Variants in ITGB5 observed in about 807,000 individuals in gnomAD.
ITGB5 encodes the protein integrin subunit beta 5.
A neutral mutation model predicts 84.8 loss-of-function variants in ITGB5; 38 were observed. The ratio of observed to expected loss-of-function variants is 0.45; its 90% confidence interval spans 0.35 to 0.59. The LOEUF is 0.59. Among genes scored for constraint, ITGB5 ranks in the 20% least tolerant of loss-of-function variants. ITGB5 has a pLI of 0.01. For missense variants in ITGB5, 905 were observed against 1,034.5 expected (o/e 0.87, Z 1.72); for synonymous variants, 393 against 414.4 (o/e 0.95, Z 0.63).
At position 124,841,349 on chromosome 3, in the gene ITGB5, C is replaced by G. The variant is rs536655427; in HGVS notation, c.780+34G>C. 142 of 1,602,974 alleles carry G rather than the reference C, an allele frequency of 8.9e-5. 1 individual carries two copies. The South Asian group carries it at 1.4e-3, about 15-fold the overall frequency. On this transcript the variant is annotated intron_variant, in intron 5 of 14. Transcript: ENST00000296181. Reference sequence around the variant, plus strand: ...CACTGACGCTCTCTACCTTGACCTCCCCATGCAGGGACAGGACCAGAAAGG... The same window carrying G: ...CACTGACGCTCTCTACCTTGACCTCGCCATGCAGGGACAGGACCAGAAAGG...
At chr3:124,779,056 C>CA (rs2063964765) in intron 10 of ITGB5, among the ~76,000 whole-genome samples, 1 of 152,178 alleles carries the variant, frequency 6.6e-6, no homozygotes. Context: ...CTGTCAGAAA[C>CA]ATCAGTGCTC....
At chr3:124,856,624 AAATGAAAAATAATTTT>A in intron 3 of ITGB5, among the ~76,000 whole-genome samples, 1 of 152,248 alleles carries the variant, frequency 6.6e-6, no homozygotes, top group Admixed American at 6.5e-5. Context: ...GACATAGTAA[AAATGAAAAATAATTTT>A]ATGTTAAAGT....
chr3:124,850,060 G>A (rs758305455), intron 3 of ITGB5, among the ~76,000 whole-genome samples: 44 of 151,920 alleles, frequency 2.9e-4, no homozygotes, highest in Non-Finnish European at 5.7e-4. Context: ...CTGACTTGCC[G>A]GCAGCCACAT....
At chr3:124,852,259 A>G (rs532690082) in intron 3 of ITGB5, among the ~76,000 whole-genome samples, 14 of 151,384 alleles carry the variant, frequency 9.2e-5, no homozygotes, top group South Asian at 2.1e-4. Flanking sequence ...TTCCCTCTCC[A>G]CTTAGGGTCT....
chr3:124,885,843 T>A (rs1934779274), intron 1 of ITGB5, among the ~76,000 whole-genome samples: 1 of 152,186 alleles, frequency 6.6e-6, no homozygotes, highest in South Asian at 2.1e-4. Flanking sequence ...CTCAGACCCC[T>A]CCTCCGCTCT....
intron 14 of ITGB5, among the ~76,000 whole-genome samples, chr3:124,764,127 G>T (rs1480130939): frequency 6.6e-6 from 1 of 152,170 alleles, no homozygotes; most frequent in Non-Finnish European, 1.5e-5. Flanking sequence ...CTCTGAGACT[G>T]GTCAGACTCT....
chr3:124,794,420 A>T (rs575054188), intron 10 of ITGB5, among the ~76,000 whole-genome samples: 6 of 152,194 alleles, frequency 3.9e-5, no homozygotes, highest in Non-Finnish European at 7.3e-5. Context: ...AAAATAAATT[A>T]AAAGCCTCAA....
intron 3 of ITGB5, 88 bp from the exon 4 acceptor site, chr3:124,848,646 C>T: frequency 1.4e-6 from 2 of 1,436,502 alleles, no homozygotes; most frequent in South Asian, 2.7e-5. Flanking sequence ...GCTAGTTTGC[C>T]TCTTACTTTT....
At chr3:124,886,336 G>A (rs1934805638) in intron 1 of ITGB5, among the ~76,000 whole-genome samples, 1 of 149,624 alleles carries the variant, frequency 6.7e-6, no homozygotes, top group Non-Finnish European at 1.5e-5. Flanking sequence ...CGAGGAGGAA[G>A]CAGGCGGGGG....
At chr3:124,859,483 T>C in intron 2 of ITGB5, 37 bp from the exon 3 acceptor site, 4 of 1,565,292 alleles carry the variant, frequency 2.6e-6, no homozygotes, top group Non-Finnish European at 3.5e-6. Context: ...CAGGAGGTGG[T>C]CAGGGTGTCT....
At chr3:124,889,878 G>A (rs1279187550), upstream of ITGB5, among the ~76,000 whole-genome samples, 1 of 152,168 alleles carries the variant, frequency 6.6e-6, no homozygotes, top group East Asian at 1.9e-4. Flanking sequence ...TGGGCATGGT[G>A]GTGGGTGCCT....
Position 124,796,732 on chromosome 3 carries a change from C to T in ITGB5, c.1349G>A (p.Arg450Gln), listed in dbSNP as rs1237070453. The T allele has an allele frequency of 2.5e-6, 4 of 1,614,094 alleles. No individual in the cohort carries two copies. Among genetic ancestry groups the T allele is most frequent in the African/African-American group, 1.3e-5 (1 of 75,046 alleles). The part of the protein sequence containing the change: ...HVFALRPVGF[R>Q]DSLEVGVTYN... ...GGTGACCCCCACCTCCAGGCTGTCC[C>T]GGAATCCCACCGGCCGCAGGGCAAA... is the stretch of plus-strand genomic sequence containing the variant. The change falls in exon 10 of 15, where the codon CGG becomes CAG. Residue 450 changes from arginine to glutamine, a missense_variant. By Grantham distance (43) the Arg-to-Gln change is conservative (BLOSUM62 1). Coordinates refer to ENST00000296181, the MANE Select transcript of ITGB5 (RefSeq NM_002213.5).
chr3:124,798,071 T>TTTTTTTTTTTTTTTTTG (rs2064259522), intron 9 of ITGB5, among the ~76,000 whole-genome samples: 1 of 149,082 alleles, frequency 6.7e-6, no homozygotes, highest in African/African-American at 2.5e-5. Context: ...TTTTTTTTTT[T>TTTTTTTTTTTTTTTTTG]GAGGTGGAGT....
intron 10 of ITGB5, among the ~76,000 whole-genome samples, chr3:124,795,345 C>A (rs1323133225): frequency 6.6e-6 from 1 of 151,936 alleles, no homozygotes; most frequent in Non-Finnish European, 1.5e-5. Context: ...AAAAATTAGC[C>A]GAGTGTGGTG....
In ITGB5 at chr3:124,796,754, C is replaced by G; in HGVS notation, c.1327G>C (p.Ala443Pro). Residue 443 changes from alanine to proline, a missense_variant, in exon 10 of 15, where the codon GCC (alanine) becomes CCC (proline). By Grantham distance (27) the Ala-to-Pro change is conservative (BLOSUM62 -1). Transcript: ENST00000296181. ...TCCCGGAATCCCACCGGCCGCAGGG[C>G]AAACACATGCTCCGTGTGTCTGCTG... ...CPSRHTEHVFALRPVGFRDSL... is the reference protein window; with the variant it reads ...CPSRHTEHVFPLRPVGFRDSL... The G allele has an allele frequency of 6.2e-7, 1 of 1,614,022 alleles. No individual in the cohort carries two copies. The highest frequency in any genetic ancestry group is 8.5e-7 in the Non-Finnish European group (1 of 1,179,992).
At chr3:124,777,647 G>A (rs974656759) in intron 10 of ITGB5, among the ~76,000 whole-genome samples, 1 of 152,206 alleles carries the variant, frequency 6.6e-6, no homozygotes, top group South Asian at 2.1e-4. Context: ...AGGGGCCTGG[G>A]CTTGCCCTCA....
At chr3:124,792,307 G>A (rs2064160875) in intron 10 of ITGB5, 1 of 152,180 alleles carries the variant, frequency 6.6e-6, no homozygotes, top group Non-Finnish European at 1.5e-5. Context: ...TTAGAGGAAG[G>A]TTTAGAAGGA....
Position 124,773,787 on chromosome 3 carries a change from G to A in ITGB5, c.1819C>T (p.His607Tyr), listed in dbSNP as rs1167109416. 6.2e-7 allele frequency: 1 copy of A among 1,613,766 alleles called. No individual in the cohort carries two copies. Among genetic ancestry groups the A allele is most frequent in the South Asian group, 1.1e-5 (1 of 91,060 alleles). Residue 607 changes from histidine (H) to tyrosine (Y), a missense_variant, in exon 11 of 15, where the codon CAC becomes TAC. Around this residue, in one of 3 missense-constraint regions of ITGB5, gnomAD observed 116 missense variants for 177.0 expected, o/e 0.66. Transcript: ENST00000296181. Reference sequence around the variant, plus strand: ...CATTGGCACTGCCCACAGAGACAGTGCCCACGCTCGCTGCAGATCTGGCCA... The same window carrying A: ...CATTGGCACTGCCCACAGAGACAGTACCCACGCTCGCTGCAGATCTGGCCA... Reference protein sequence around the residue: ...RDGQICSERGHCLCGQCQCTE... With the variant: ...RDGQICSERGYCLCGQCQCTE...
intron 9 of ITGB5, among the ~76,000 whole-genome samples, chr3:124,798,362 T>A (rs184056232): frequency 1.2e-4 from 19 of 152,252 alleles, no homozygotes; most frequent in African/African-American, 4.3e-4. Context: ...TTAAAGCTAA[T>A]TTTTAAAATG....
Sources: allele counts gnomAD v4.1 joint callset (sites outside exome capture counted in the v4.1 genomes callset), GRCh38; gene constraint gnomAD v4.1.1; regional missense constraint gnomAD v4.1.1; transcripts MANE v1.5; gene names NCBI Gene and HGNC (gene_info 2026-07-23, HGNC 2026-07-21).